Variants in MGMT observed in about 807,000 individuals in gnomAD.
MGMT encodes the protein O-6-methylguanine-DNA methyltransferase.
A neutral mutation model predicts 15.9 loss-of-function variants in MGMT; 14 were observed. That is an observed-to-expected ratio of 0.88 (90% CI 0.58 to 1.37). The LOEUF is 1.37. MGMT is among the 40% of genes most tolerant of loss of function. MGMT has a pLI of 0.00. For synonymous variants in MGMT, 130 were observed against 118.2 expected, an observed-to-expected ratio of 1.10 and a Z score of -0.65; for missense variants, 282 against 268.1, an observed-to-expected ratio of 1.05 and a Z score of -0.36.
chr10:129,646,347 C>A (rs796807261), intron 2 of MGMT, among the ~76,000 whole-genome samples: 1 of 152,088 alleles, frequency 6.6e-6, no homozygotes, highest in African/African-American at 2.4e-5. Context: ...GTAGAACCTT[C>A]ACTTGTAGAG....
chr10:129,591,605 C>T lies in MGMT; in HGVS notation c.125+55228C>T, dbSNP rs558260743. 2.4e-3 allele frequency among the ~76,000 whole-genome samples: 371 copies of T among 152,316 alleles called. 2 individuals are homozygous for T. Among genetic ancestry groups the T allele is most frequent in the African/African-American group, 8.4e-3 (348 of 41,582 alleles). ...TGTCCACCTACTCCTCACCACCACG[C>T]GTTTGCAGGTGGTGGACGGTGTTTT... On this transcript the variant is annotated intron_variant, in intron 2 of 4. Transcript: ENST00000651593.
At chr10:129,494,375 C>T (rs989818550) in intron 1 of MGMT, among the ~76,000 whole-genome samples, 4 of 152,208 alleles carry the variant, frequency 2.6e-5, no homozygotes, top group Non-Finnish European at 5.9e-5. Flanking sequence ...TCAAGCTTCC[C>T]TGGGGCTTAC....
chr10:129,688,067 T>C (rs534950855), intron 2 of MGMT, among the ~76,000 whole-genome samples: 36 of 152,378 alleles, frequency 2.4e-4, no homozygotes, highest in African/African-American at 8.7e-4. Context: ...ATGGTGTATA[T>C]GTGCCACATT....
intron 2 of MGMT, among the ~76,000 whole-genome samples, chr10:129,638,461 A>AAAAAAAAAAAAAAAAAAAAAAG (rs1206037140): frequency 6.7e-6 from 1 of 149,814 alleles, no homozygotes; most frequent in Non-Finnish European, 1.5e-5. Flanking sequence ...AAAAAAGAAA[A>AAAAAAAAAAAAAAAAAAAAAAG]ATAACTGACG....
intron 4 of MGMT, among the ~76,000 whole-genome samples, chr10:129,761,333 G>A (rs971986265): frequency 6.6e-6 from 1 of 152,182 alleles, no homozygotes; most frequent in Non-Finnish European, 1.5e-5. Context: ...GAGTGGCCCC[G>A]TCAGCGGGCG....
chr10:129,592,136 C>G lies in MGMT; in HGVS notation c.125+55759C>G, dbSNP rs562736121. On this transcript the variant is annotated intron_variant, in intron 2 of 4. Coordinates refer to ENST00000651593, the MANE Select transcript of MGMT (RefSeq NM_002412.5). ...TGACTCAGGGTGACGGGAGTGGCCA[C>G]TTTTTTCCTGGAATACCATTTTCAC... 2.0e-5 allele frequency among the ~76,000 whole-genome samples: 3 copies of G among 152,226 alleles called. No homozygotes were observed. The South Asian group carries it at 6.2e-4, about 32-fold the overall frequency.
chr10:129,661,359 C>T (rs768170440), intron 2 of MGMT, among the ~76,000 whole-genome samples: 1 of 152,078 alleles, frequency 6.6e-6, no homozygotes, highest in Non-Finnish European at 1.5e-5. Context: ...CGGATGCAGC[C>T]CAGACCCCCC....
At chr10:129,677,224 T>A (rs79979213) in intron 2 of MGMT, among the ~76,000 whole-genome samples, 5,886 of 152,204 alleles carry the variant, frequency 0.039, 390 homozygotes, top group African/African-American at 0.14. Flanking sequence ...AGCTTTATAG[T>A]GTTTTATGTC....
intron 1 of MGMT, among the ~76,000 whole-genome samples, chr10:129,524,018 G>A (rs1034892045): frequency 6.6e-6 from 1 of 152,184 alleles, no homozygotes; most frequent in Non-Finnish European, 1.5e-5. Context: ...TGTCCATTGT[G>A]ACCTGTGTTG....
At chr10:129,496,512 G>A (rs987565627) in intron 1 of MGMT, among the ~76,000 whole-genome samples, 4 of 152,104 alleles carry the variant, frequency 2.6e-5, no homozygotes, top group African/African-American at 4.8e-5. Flanking sequence ...ATATAAAAAT[G>A]TCTAAATAAA....
At chr10:129,494,851 C>T (rs544931040) in intron 1 of MGMT, among the ~76,000 whole-genome samples, 1 of 152,292 alleles carries the variant, frequency 6.6e-6, no homozygotes, top group South Asian at 2.1e-4. Flanking sequence ...TTTACCACGA[C>T]TGCTCTGAGT....
chr10:129,538,288 C>T (rs1846007678), intron 2 of MGMT, among the ~76,000 whole-genome samples: 1 of 152,132 alleles, frequency 6.6e-6, no homozygotes, highest in Non-Finnish European at 1.5e-5. Flanking sequence ...CCTTGTGCCC[C>T]CTAAAGTTAG....
At chr10:129,762,333 A>G (rs1848883485) in intron 4 of MGMT, among the ~76,000 whole-genome samples, 1 of 152,244 alleles carries the variant, frequency 6.6e-6, no homozygotes, top group Non-Finnish European at 1.5e-5. Flanking sequence ...GTGGCTTGCA[A>G]TAAACAGGAG....
rs1846946747 is a variant in MGMT, at chr10:129,610,487, C to T, written c.125+74110C>T. 1.3e-5 allele frequency among the ~76,000 whole-genome samples: 2 copies of T among 152,248 alleles called. 1 individual carries two copies. The highest frequency in any genetic ancestry group is 3.8e-4 in the East Asian group (2 of 5,204). On this transcript the variant is annotated intron_variant, in intron 2 of 4. Coordinates refer to ENST00000651593, the MANE Select transcript of MGMT (RefSeq NM_002412.5). ...GCCCCCACCCTGCACATGGCTGGCC[C>T]CTTGTTTTCTTCAGCTCTCCGTCCA...
At chr10:129,543,094 A>G (rs1164350651) in intron 2 of MGMT, among the ~76,000 whole-genome samples, 1 of 152,124 alleles carries the variant, frequency 6.6e-6, no homozygotes, top group Non-Finnish European at 1.5e-5. Flanking sequence ...GTGATGAATT[A>G]TGTTCCGTGA....
intron 2 of MGMT, among the ~76,000 whole-genome samples, chr10:129,620,852 T>C (rs1275485020): frequency 6.6e-6 from 1 of 152,234 alleles, no homozygotes; most frequent in African/African-American, 2.4e-5. Context: ...ATTTGTACTT[T>C]TTATTCTTCA....
At chr10:129,504,253 T>G (rs1177613228) in intron 1 of MGMT, among the ~76,000 whole-genome samples, 2 of 152,264 alleles carry the variant, frequency 1.3e-5, no homozygotes, top group East Asian at 3.8e-4. Context: ...CAGTTTTGTT[T>G]ATTGGACATT....
intron 2 of MGMT, among the ~76,000 whole-genome samples, chr10:129,665,742 G>A (rs901184495): frequency 7.2e-5 from 11 of 152,116 alleles, no homozygotes; most frequent in Non-Finnish European, 1.6e-4. Flanking sequence ...CACCAACAAG[G>A]GTGAGTTTTA....
At position 129,708,026 on chromosome 10, in the gene MGMT, A is replaced by G. The variant is rs766739852; in HGVS notation, c.257A>G (p.His86Arg). ...IEEFPVPALH[H>R]PVFQQESFTR... ...GAGTTCCCCGTGCCGGCTCTTCACC[A>G]TCCCGTTTTCCAGCAAGGTCGGTAA... Residue 86 changes from histidine (H) to arginine (R), a missense_variant, in exon 3 of 5, where the codon CAT becomes CGT. Coordinates refer to ENST00000651593, the MANE Select transcript of MGMT (RefSeq NM_002412.5). The G allele has an allele frequency of 1.4e-5, 22 of 1,611,872 alleles. No homozygotes were observed. The highest frequency in any genetic ancestry group is 1.6e-4 in the Middle Eastern group (1 of 6,072).
Sources: allele counts gnomAD v4.1 joint callset (sites outside exome capture counted in the v4.1 genomes callset), GRCh38; gene constraint gnomAD v4.1.1; transcripts MANE v1.5; gene names NCBI Gene and HGNC (gene_info 2026-07-23, HGNC 2026-07-21).